YARS1: variants seen among roughly 807,000 people sequenced by gnomAD.
YARS1 encodes the protein tyrosine--tRNA ligase, cytoplasmic.
Under a neutral mutation model 62.2 loss-of-function variants are expected in YARS1, and 36 were observed. That is an observed-to-expected ratio of 0.58 (90% CI 0.44 to 0.76). The LOEUF (loss-of-function observed/expected upper bound fraction) is 0.76. YARS1 is among the 30% of genes least tolerant of loss of function. The probability of loss-of-function intolerance (pLI) is 0.00; values close to 1 mark genes in which losing one functional copy is unlikely to be tolerated. For missense variants in YARS1, 524 were observed against 639.8 expected (o/e 0.82, Z 1.95); for synonymous variants, 234 against 244.9 (o/e 0.96, Z 0.42).
At chr1:32,801,188 T>C (rs137966444) in intron 4 of YARS1, among the ~76,000 whole-genome samples, 2 of 152,162 alleles carry the variant, frequency 1.3e-5, no homozygotes, top group African/African-American at 4.8e-5. Flanking sequence ...GGAAGGCCTA[T>C]AGGTTGGAGA....
chr1:32,807,699 C>T (rs1638494492), intron 3 of YARS1, among the ~76,000 whole-genome samples: 1 of 152,154 alleles, frequency 6.6e-6, no homozygotes, highest in Non-Finnish European at 1.5e-5. Flanking sequence ...CTCGAGCAAT[C>T]TGCCCACCCC....
intron 4 of YARS1, among the ~76,000 whole-genome samples, chr1:32,802,990 T>C (rs1638341015): frequency 6.7e-6 from 1 of 149,706 alleles, no homozygotes; most frequent in Non-Finnish European, 1.5e-5. Context: ...TTTTTTTTTT[T>C]TTTTTTTTTT....
intron 8 of YARS1, 167 bp from the exon 9 acceptor site, chr1:32,782,706 C>A: frequency 2.3e-6 from 2 of 857,328 alleles, no homozygotes; most frequent in Admixed American, 2.4e-5. Flanking sequence ...GAAAGACTAA[C>A]GTGTCCAAAA....
intron 1 of YARS1, among the ~76,000 whole-genome samples, chr1:32,813,279 T>C (rs1363805482): frequency 6.6e-6 from 1 of 152,226 alleles, no homozygotes; most frequent in Non-Finnish European, 1.5e-5. Flanking sequence ...GTCTTTAACC[T>C]TAGCAAAATA....
chr1:32,802,243 G>A (rs1035060258), intron 4 of YARS1, among the ~76,000 whole-genome samples: 4 of 152,098 alleles, frequency 2.6e-5, no homozygotes, highest in African/African-American at 7.2e-5. Flanking sequence ...CACCGCGCCC[G>A]GCCTGTTCTC....
chr1:32,783,359 G>C (rs1653121559), intron 8 of YARS1: 1 of 152,302 alleles, frequency 6.6e-6, no homozygotes, highest in African/African-American at 2.4e-5. Context: ...CGCCCAGGCT[G>C]GGGTGCAGTG....
chr1:32,803,524 AAG>A (rs1184312386), intron 4 of YARS1, among the ~76,000 whole-genome samples: 1 of 151,336 alleles, frequency 6.6e-6, no homozygotes, highest in African/African-American at 2.5e-5. Context: ...AGCTCCTAAC[AAG>A]AGAGTCAGCC....
intron 5 of YARS1, among the ~76,000 whole-genome samples, chr1:32,794,837 C>A (rs1223209639): frequency 6.6e-6 from 1 of 151,610 alleles, no homozygotes; most frequent in Non-Finnish European, 1.5e-5. Flanking sequence ...GAAACCCCAT[C>A]TCTACTAAAA....
chr1:32,797,371 C>CA (rs1176535131), intron 5 of YARS1, among the ~76,000 whole-genome samples: 3 of 150,484 alleles, frequency 2.0e-5, no homozygotes, highest in Non-Finnish European at 3.0e-5. Flanking sequence ...GAACTTGTCT[C>CA]AAAAAAAAGA....
chr1:32,791,123 C>G, intron 6 of YARS1, 39 bp downstream of exon 6: 1 of 1,564,162 alleles, frequency 6.4e-7, no homozygotes, highest in Non-Finnish European at 8.8e-7. Context: ...TCCATTGAGG[C>G]TGAAGATTTC....
At chr1:32,804,651 G>A (rs1253716625) in intron 4 of YARS1, among the ~76,000 whole-genome samples, 1 of 149,144 alleles carries the variant, frequency 6.7e-6, no homozygotes, top group Non-Finnish European at 1.5e-5. Context: ...CGGGGCAGAG[G>A]TGCTCCCCAC....
At chr1:32,804,328 C>A (rs1352161606) in intron 4 of YARS1, among the ~76,000 whole-genome samples, 3 of 149,062 alleles carry the variant, frequency 2.0e-5, no homozygotes, top group South Asian at 4.3e-4. Context: ...GTCAGAGGCA[C>A]CCCCAACCTC....
intron 5 of YARS1, among the ~76,000 whole-genome samples, chr1:32,794,598 C>T (rs1034521785): frequency 9.9e-5 from 15 of 151,804 alleles, no homozygotes; most frequent in African/African-American, 3.6e-4. Flanking sequence ...TCATGTTGGC[C>T]AGGCTGGTCT....
chr1:32,797,651 G>C, intron 5 of YARS1, 112 bp downstream of exon 5: 1 of 954,882 alleles, frequency 1.0e-6, no homozygotes, highest in Non-Finnish European at 1.7e-6. Context: ...GCAAAACAAG[G>C]AGAATATTTA....
At chr1:32,780,911 G>C in intron 10 of YARS1, 137 bp downstream of exon 10, 1 of 798,700 alleles carries the variant, frequency 1.3e-6, no homozygotes, top group South Asian at 1.4e-5. Flanking sequence ...CTGATGCCTG[G>C]AATTAGACAC....
chr1:32,811,626 A>G (rs532269145), intron 1 of YARS1: 4 of 160,368 alleles, frequency 2.5e-5, no homozygotes, highest in African/African-American at 9.6e-5. Flanking sequence ...TTTCTAAACC[A>G]AAGTATAAAA....
intron 4 of YARS1, among the ~76,000 whole-genome samples, chr1:32,800,248 T>C (rs547861203): frequency 1.3e-5 from 2 of 152,072 alleles, no homozygotes; most frequent in South Asian, 2.1e-4. Context: ...TCCCAAAGTG[T>C]TGGGATTACA....
At position 32,775,907 on chromosome 1, in the gene YARS1, G is replaced by A; in HGVS notation, c.*74C>T. ...CCGTGTCCTGAGAGATGGGTAAATGGGTGATGGATGGAGCAGACTGAAGAG... is the reference window on the plus strand; with the variant it reads ...CCGTGTCCTGAGAGATGGGTAAATGAGTGATGGATGGAGCAGACTGAAGAG... On this transcript the variant is annotated 3_prime_UTR_variant, in exon 13 of 13. Transcript: ENST00000373477. 7.5e-7 allele frequency: 1 copy of A among 1,328,808 alleles called. No homozygotes were observed. Among genetic ancestry groups the A allele is most frequent in the African/African-American group, 1.4e-5 (1 of 69,096 alleles). 82.3% of individuals were successfully genotyped at this position (1,328,808 alleles called of 1,614,324 possible). A position where few individuals can be genotyped will look rare whatever the true frequency, so the allele number is the denominator to read the frequency against.
intron 8 of YARS1, among the ~76,000 whole-genome samples, chr1:32,784,333 A>G (rs890155310): frequency 6.6e-6 from 1 of 152,032 alleles, no homozygotes; most frequent in African/African-American, 2.4e-5. Flanking sequence ...CATTTCTAGC[A>G]GCTCCATTAA....
Sources: gnomAD v4.1 joint callset for allele counts (sites outside exome capture counted in the v4.1 genomes callset) on GRCh38, gnomAD v4.1.1 for gene constraint, MANE v1.5 for transcripts, NCBI Gene and HGNC (gene_info 2026-07-23, HGNC 2026-07-21) for gene names.